VPS13C: variants seen among roughly 807,000 people sequenced by gnomAD.
The protein encoded by VPS13C is intermembrane lipid transfer protein VPS13C.
In VPS13C, 358 loss-of-function variants were observed where a neutral mutation model predicts 456.8. That is an observed-to-expected ratio of 0.78 (90% CI 0.72 to 0.86). The LOEUF (loss-of-function observed/expected upper bound fraction) is 0.86, where lower values mean the gene tolerates loss of function less well. Among genes scored for constraint, VPS13C ranks in the 40% least tolerant of loss-of-function variants. The probability of loss-of-function intolerance (pLI) is 0.00; values close to 1 mark genes in which losing one functional copy is unlikely to be tolerated. For missense variants in VPS13C, 4,818 were observed against 4,385.4 expected, an observed-to-expected ratio of 1.10 and a Z score of -2.79; for synonymous variants, 1,578 against 1,486.7, an observed-to-expected ratio of 1.06 and a Z score of -1.41.
At chr15:62,002,534 C>T (rs1173129262) in intron 15 of VPS13C, among the ~76,000 whole-genome samples, 1 of 152,118 alleles carries the variant, frequency 6.6e-6, no homozygotes, top group South Asian at 2.1e-4. Context: ...TTAGATCCCA[C>T]TTGTCTATTT....
chr15:61,864,322 C>G, intron 81 of VPS13C: 1 of 873,890 alleles, frequency 1.1e-6, no homozygotes, highest in Non-Finnish European at 1.4e-6. Flanking sequence ...CACATTAAAA[C>G]ACATTTATTT....
rs766907015 is a variant in VPS13C, at chr15:62,020,561, A to C, written c.625-23T>G. ...GACCTACCAAAGAAGAAAAGATAAC[A>C]GTAAAATATGCTGATGGTGAAGGCG... On this transcript the variant is annotated intron_variant, in intron 8 of 84. Transcript: ENST00000644861. The C allele has an allele frequency of 3.1e-6, 5 of 1,608,730 alleles. No individual in the cohort carries two copies. The South Asian group carries it at 3.3e-5, about 11-fold the overall frequency.
intron 64 of VPS13C, 63 bp from the exon 65 acceptor site, chr15:61,909,188 T>C: frequency 1.9e-6 from 3 of 1,579,876 alleles, no homozygotes; most frequent in African/African-American, 2.7e-5. Flanking sequence ...ACATATGGAA[T>C]TTCAATATTA....
At chr15:61,957,156 A>G (rs1271077131) in intron 37 of VPS13C, among the ~76,000 whole-genome samples, 2 of 152,176 alleles carry the variant, frequency 1.3e-5, no homozygotes. Context: ...AACAACACGA[A>G]TGAATCTCGC....
At position 61,920,207 on chromosome 15, in the gene VPS13C, C is replaced by T; in HGVS notation, c.7337G>A (p.Gly2446Asp). 2 of 1,613,566 alleles carry T rather than the reference C, an allele frequency of 1.2e-6. No individual in the cohort carries two copies. The highest frequency in any genetic ancestry group is 2.2e-5 in the East Asian group (1 of 44,848). ...VKPNCNLRVMGFPEKSDIFDV... is the reference protein window; with the variant it reads ...VKPNCNLRVMDFPEKSDIFDV... ...AAAAATATCACTTTTCTCAGGGAAG[C>T]CCATTACTCTGAGATTACAATTGGG... Residue 2446 changes from glycine to aspartate, a missense_variant, in exon 57 of 85, where the codon GGC becomes GAC. Gly to Asp is a moderately conservative substitution (Grantham distance 94). This residue lies in a region of VPS13C where 4,552 missense variants were observed against 4,130.6 expected (regional missense o/e 1.10). Coordinates refer to ENST00000644861, the MANE Select transcript of VPS13C (RefSeq NM_020821.3).
At chr15:61,940,579 G>A (rs1390696670) in intron 47 of VPS13C, 68 bp downstream of exon 47, 3 of 1,501,548 alleles carry the variant, frequency 2.0e-6, no homozygotes, top group South Asian at 1.3e-5. Flanking sequence ...ATATCCACTA[G>A]AACTGCACTA....
Position 61,910,258 on chromosome 15 carries a change from T to C in VPS13C, c.8763A>G (p.Arg2921=), listed in dbSNP as rs1438831273. The C allele has an allele frequency of 6.5e-7, 1 of 1,528,082 alleles. No individual in the cohort carries two copies. The highest frequency in any genetic ancestry group is 2.5e-5 in the East Asian group (1 of 40,138). 94.7% of individuals were successfully genotyped at this position (1,528,082 alleles called of 1,614,324 possible). Reference sequence around the variant, plus strand: ...TGGAAGATCCTTCACAGCCCACCACTCTCACACAAAGTTTGCCTGACAAAC... The same window carrying C: ...TGGAAGATCCTTCACAGCCCACCACCCTCACACAAAGTTTGCCTGACAAAC... ...PESLSGKLCV[R]VVGCEGSSKP... is the part of the protein sequence containing the mutation. The change falls in exon 64 of 85, where the codon AGA becomes AGG. Residue 2921 remains arginine (R), a synonymous_variant. Coordinates refer to ENST00000644861, the MANE Select transcript of VPS13C (RefSeq NM_020821.3).
Position 61,942,084 on chromosome 15 carries a change from A to G in VPS13C, c.5149-17T>C, listed in dbSNP as rs2140260796. 6.5e-7 allele frequency: 1 copy of G among 1,530,954 alleles called. No homozygotes were observed. Among genetic ancestry groups the G allele is most frequent in the South Asian group, 1.3e-5 (1 of 76,722 alleles). The allele number at this position is 1,530,954 out of a possible 1,614,324, so 94.8% of individuals were successfully genotyped here. A position where few individuals can be genotyped will look rare whatever the true frequency, so the allele number is the denominator to read the frequency against. On this transcript the variant is annotated splice_polypyrimidine_tract_variant and intron_variant, in intron 45 of 84. Transcript: ENST00000644861. ...GAGGAAGTTCTGTTGGAAGAGACAG[A>G]TATTTAGGGGAAAAAAGGCATTTAT...
chr15:62,016,625 T>C (rs1195441041), intron 9 of VPS13C, among the ~76,000 whole-genome samples: 10 of 152,062 alleles, frequency 6.6e-5, no homozygotes, highest in Admixed American at 6.6e-4. Context: ...GGCTGCATAG[T>C]ATTCCATGGT....
intron 51 of VPS13C, among the ~76,000 whole-genome samples, chr15:61,929,089 G>A (rs758754148): frequency 1.1e-3 from 171 of 152,294 alleles, no homozygotes; most frequent in South Asian, 1.0e-3. Context: ...GAGTTAAAGC[G>A]ACATCCAGGG....
rs754717845 is a variant in VPS13C, at chr15:61,919,384, C to T, written c.7543G>A (p.Val2515Ile). Reference protein sequence around the residue: ...VARPGRRLYNVRNPNASHSDS... With the variant: ...VARPGRRLYNIRNPNASHSDS... ...GAATGACTGGCATTGGGATTCCGTA[C>T]ATTATACAATCGCCGTCCAGGTCTG... is the stretch of plus-strand genomic sequence containing the variant. Residue 2515 changes from valine to isoleucine, a missense_variant, in exon 58 of 85, where the codon GTA (valine) becomes ATA (isoleucine). By Grantham distance (29) the Val-to-Ile change is conservative (BLOSUM62 3). This residue lies in a region of VPS13C where 4,552 missense variants were observed against 4,130.6 expected (regional missense o/e 1.10). Transcript: ENST00000644861. The T allele has an allele frequency of 3.1e-6, 5 of 1,604,022 alleles. No homozygotes were observed. In the South Asian group the frequency reaches 5.6e-5, roughly 18 times the overall value.
At chr15:61,864,436 T>C in intron 81 of VPS13C, 2 of 864,752 alleles carry the variant, frequency 2.3e-6, no homozygotes, top group Non-Finnish European at 2.8e-6. Context: ...TGACATTATA[T>C]ATAATGCATG....
Position 61,931,233 on chromosome 15 carries a change from G to C in VPS13C, c.5895C>G (p.Asp1965Glu). 1 of 1,613,694 alleles carries C rather than the reference G, an allele frequency of 6.2e-7. No individual in the cohort carries two copies. The highest frequency in any genetic ancestry group is 8.5e-7 in the Non-Finnish European group (1 of 1,179,826). The change falls in exon 50 of 85, where the codon GAC becomes GAG. Residue 1965 changes from aspartate (D) to glutamate (E), a missense_variant. By Grantham distance (45) the Asp-to-Glu change is conservative. This residue lies in a region of VPS13C where 4,552 missense variants were observed against 4,130.6 expected (regional missense o/e 1.10). Transcript: ENST00000644861. ...NQESGVAFHN[D>E]SFQLGELRLH... ...GTCTGAGTTCACCAAGTTGGAAACT[G>C]TCATTATGAAATGCAACTCCAGATT...
At position 61,949,373 on chromosome 15, in the gene VPS13C, G is replaced by GA. The variant is rs1157753677; in HGVS notation, c.4759+69dup. 100 of 1,544,148 alleles carry GA rather than the reference G, an allele frequency of 6.5e-5. 2 individuals are homozygous for GA. The South Asian group carries it at 1.1e-3, about 17-fold the overall frequency. Reference sequence around the variant, plus strand: ...AACATGCTAAATATTCATCTTAACTGAAAAAAACAAGTTGTTATATGATTA... The same window carrying GA: ...AACATGCTAAATATTCATCTTAACTGAAAAAAAACAAGTTGTTATATGATTA... On this transcript the variant is annotated intron_variant, in intron 42 of 84. Coordinates refer to ENST00000644861, the MANE Select transcript of VPS13C (RefSeq NM_020821.3).
In VPS13C at chr15:61,983,983, A is replaced by T; in HGVS notation, c.1751T>A (p.Ile584Lys). The change falls in exon 20 of 85, where the codon ATA (isoleucine) becomes AAA (lysine). Residue 584 changes from isoleucine to lysine, a missense_variant. This residue lies in a region of VPS13C where 4,552 missense variants were observed against 4,130.6 expected (regional missense o/e 1.10). Transcript: ENST00000644861. Reference protein sequence around the residue: ...KVEAKLEHWYITGLRQQDIVP... With the variant: ...KVEAKLEHWYKTGLRQQDIVP... ...AATATCCTGCTGTCTCAAACCTGTTATATACCAGTGTTCTAATTTCGCTTC... is the reference window on the plus strand; with the variant it reads ...AATATCCTGCTGTCTCAAACCTGTTTTATACCAGTGTTCTAATTTCGCTTC... 6.2e-7 allele frequency: 1 copy of T among 1,614,012 alleles called. No individual in the cohort carries two copies. Among genetic ancestry groups the T allele is most frequent in the Non-Finnish European group, 8.5e-7 (1 of 1,179,942 alleles).
At chr15:61,966,216 G>T in intron 29 of VPS13C, 74 bp from the exon 30 acceptor site, 3 of 1,017,266 alleles carry the variant, frequency 2.9e-6, no homozygotes, top group South Asian at 1.7e-5. Flanking sequence ...ATTATCTCTG[G>T]TTAATTTATT....
At chr15:61,859,885 C>A (rs1894130870) in intron 82 of VPS13C, among the ~76,000 whole-genome samples, 1 of 151,266 alleles carries the variant, frequency 6.6e-6, no homozygotes, top group Non-Finnish European at 1.5e-5. Context: ...ATAAAGATTA[C>A]TAAAATAAAC....
intron 37 of VPS13C, 50 bp from the exon 38 acceptor site, chr15:61,954,604 C>T: frequency 6.5e-7 from 1 of 1,530,278 alleles, no homozygotes; most frequent in Non-Finnish European, 8.8e-7. Flanking sequence ...ATTTCTTCCA[C>T]AAATATTTAT....
chr15:61,918,844 T>C (rs1342299493), intron 58 of VPS13C, among the ~76,000 whole-genome samples: 1 of 152,048 alleles, frequency 6.6e-6, no homozygotes, highest in Non-Finnish European at 1.5e-5. Flanking sequence ...AGAAAAAATA[T>C]TTACACAGAT....
Sources: allele counts gnomAD v4.1 joint callset (sites outside exome capture counted in the v4.1 genomes callset), GRCh38; gene constraint gnomAD v4.1.1; regional missense constraint gnomAD v4.1.1; transcripts MANE v1.5; gene names NCBI Gene and HGNC (gene_info 2026-07-23, HGNC 2026-07-21).